Variants in MACROD2 observed in about 807,000 individuals in gnomAD.
MACROD2 encodes ADP-ribose glycohydrolase MACROD2.
Under a neutral mutation model 70.4 loss-of-function variants are expected in MACROD2, and 36 were observed. That is an observed-to-expected ratio of 0.51 (90% confidence interval 0.39 to 0.68). The LOEUF (loss-of-function observed/expected upper bound fraction) is 0.68, where lower values mean the gene tolerates loss of function less well. Among genes scored for constraint, MACROD2 ranks in the 30% least tolerant of loss-of-function variants. The pLI is 0.00. For missense variants in MACROD2, 496 were observed against 538.4 expected (o/e 0.92, Z 0.78); for synonymous variants, 172 against 178.8 (o/e 0.96, Z 0.30).
chr20:14,521,208 C>T (rs1230534378), intron 4 of MACROD2, among the ~76,000 whole-genome samples: 1 of 152,168 alleles, frequency 6.6e-6, no homozygotes, highest in African/African-American at 2.4e-5. Context: ...AGTTGTCACC[C>T]TCAGCTTGCA....
intron 8 of MACROD2, among the ~76,000 whole-genome samples, chr20:15,531,910 A>G (rs1302086485): frequency 6.6e-6 from 1 of 152,186 alleles, no homozygotes; most frequent in Non-Finnish European, 1.5e-5. Flanking sequence ...TGTGTTATAC[A>G]GTTCATGAAT....
At chr20:15,128,849 T>G (rs2076085118) in intron 5 of MACROD2, among the ~76,000 whole-genome samples, 1 of 151,918 alleles carries the variant, frequency 6.6e-6, no homozygotes, top group South Asian at 2.1e-4. Context: ...GTTTTGTTTT[T>G]TTTTTTCATC....
intron 5 of MACROD2, among the ~76,000 whole-genome samples, chr20:15,201,938 C>T (rs1035567979): frequency 1.3e-5 from 2 of 152,060 alleles, no homozygotes; most frequent in African/African-American, 4.8e-5. Context: ...TCCCAGTGAC[C>T]AAAGTAAATT....
intron 8 of MACROD2, among the ~76,000 whole-genome samples, chr20:15,813,379 T>C (rs993574672): frequency 6.6e-5 from 10 of 152,206 alleles, no homozygotes; most frequent in Non-Finnish European, 1.2e-4. Flanking sequence ...GTCAATTGAT[T>C]TCCTATGAGA....
chr20:15,604,595 A>G (rs1278608364), intron 8 of MACROD2, among the ~76,000 whole-genome samples: 1 of 152,224 alleles, frequency 6.6e-6, no homozygotes, highest in Non-Finnish European at 1.5e-5. Flanking sequence ...ATTAAGTGAT[A>G]CCACAGAATT....
At chr20:15,999,278 A>G (rs962234786) in intron 15 of MACROD2, among the ~76,000 whole-genome samples, 1 of 152,028 alleles carries the variant, frequency 6.6e-6, no homozygotes, top group Non-Finnish European at 1.5e-5. Context: ...TAATTTCCAT[A>G]TATTTGTGAA....
chr20:14,426,992 T>C (rs552329202), intron 3 of MACROD2, among the ~76,000 whole-genome samples: 91 of 152,254 alleles, frequency 6.0e-4, no homozygotes, highest in African/African-American at 1.9e-3. Context: ...GTTATTTGGC[T>C]TTATTCCTTC....
chr20:15,082,486 T>G, intron 5 of MACROD2, among the ~76,000 whole-genome samples: 1 of 151,160 alleles, frequency 6.6e-6, no homozygotes, highest in East Asian at 1.9e-4. Flanking sequence ...CTTGAGTCAG[T>G]GAAATGTTCC....
chr20:15,000,336 A>G (rs908384159), intron 5 of MACROD2, among the ~76,000 whole-genome samples: 12 of 149,948 alleles, frequency 8.0e-5, no homozygotes, highest in African/African-American at 3.0e-4. Context: ...ATCAAGAGGT[A>G]GAAACGGCCG....
At chr20:15,084,504 T>G (rs1457453266) in intron 5 of MACROD2, among the ~76,000 whole-genome samples, 2 of 152,140 alleles carry the variant, frequency 1.3e-5, no homozygotes, top group Admixed American at 6.5e-5. Flanking sequence ...CTATTTTTAT[T>G]TTGTAAGCCA....
intron 4 of MACROD2, among the ~76,000 whole-genome samples, chr20:14,528,803 A>G (rs6074750): frequency 0.84 from 128,299 of 152,104 alleles, 54,336 homozygotes; most frequent in East Asian, 1. Flanking sequence ...AGAATAACCA[A>G]CACTTACAGA....
chr20:14,538,223 C>G (rs915371682), intron 4 of MACROD2, among the ~76,000 whole-genome samples: 1 of 152,202 alleles, frequency 6.6e-6, no homozygotes, highest in Non-Finnish European at 1.5e-5. Context: ...AGTAAGCTGT[C>G]TAGAGTCTCT....
intron 6 of MACROD2, among the ~76,000 whole-genome samples, chr20:15,360,846 C>T (rs989960842): frequency 5.3e-5 from 8 of 151,840 alleles, no homozygotes; most frequent in African/African-American, 1.9e-4. Context: ...AATTTACCAT[C>T]CAAATATACT....
rs1414302675 is a variant in MACROD2 at position 15,795,786 on chromosome 20, G to A, written c.646-66959G>A. Among the ~76,000 whole-genome samples, 4 of 152,292 alleles carry A rather than the reference G, an allele frequency of 2.6e-5. No individual in the cohort carries two copies. The East Asian group carries it at 5.8e-4, about 22-fold the overall frequency. On this transcript the variant is annotated intron_variant, in intron 8 of 17. Coordinates refer to ENST00000684519, the MANE Select transcript of MACROD2 (RefSeq NM_001351661.2). Reference sequence around the variant, plus strand: ...AGATAAAAGGCTCACCAATGCCTGGGCCATCTCTGAGTGCCGACTGTGGGA... The same window carrying A: ...AGATAAAAGGCTCACCAATGCCTGGACCATCTCTGAGTGCCGACTGTGGGA...
At chr20:15,188,337 C>G (rs918801741) in intron 5 of MACROD2, among the ~76,000 whole-genome samples, 3 of 152,094 alleles carry the variant, frequency 2.0e-5, no homozygotes, top group Non-Finnish European at 4.4e-5. Flanking sequence ...ACTTTGTGCT[C>G]AAATAACAAT....
chr20:15,291,362 T>C lies in MACROD2; in HGVS notation c.540+61301T>C, dbSNP rs573612706. 5.9e-5 allele frequency among the ~76,000 whole-genome samples: 9 copies of C among 152,302 alleles called. No homozygotes were observed. In the East Asian group the frequency reaches 1.7e-3, roughly 29 times the overall value. ...TGAGACATAAAGATAATATTCCTCATATACCTAAATCATCTAGCAGAAAAC... is the reference window on the plus strand; with the variant it reads ...TGAGACATAAAGATAATATTCCTCACATACCTAAATCATCTAGCAGAAAAC... On this transcript the variant is annotated intron_variant, in intron 6 of 17. Transcript: ENST00000684519.
intron 3 of MACROD2, among the ~76,000 whole-genome samples, chr20:14,157,596 C>G (rs1206786830): frequency 6.6e-6 from 1 of 152,130 alleles, no homozygotes; most frequent in African/African-American, 2.4e-5. Context: ...TCACTTTACT[C>G]TCTACCTTCA....
chr20:14,572,845 TA>T (rs1240930360), intron 4 of MACROD2, among the ~76,000 whole-genome samples: 6 of 151,038 alleles, frequency 4.0e-5, no homozygotes, highest in Non-Finnish European at 8.9e-5. Flanking sequence ...AATACTCCAA[TA>T]AAATATTTAA....
intron 5 of MACROD2, among the ~76,000 whole-genome samples, chr20:14,982,989 G>A (rs930299041): frequency 3.9e-5 from 6 of 152,196 alleles, no homozygotes; most frequent in Admixed American, 1.3e-4. Context: ...GAGGGAGGCT[G>A]TACCCTGCAA....
Sources: gnomAD v4.1 joint callset for allele counts (sites outside exome capture counted in the v4.1 genomes callset) on GRCh38, gnomAD v4.1.1 for gene constraint, MANE v1.5 for transcripts, NCBI Gene and HGNC (gene_info 2026-07-23, HGNC 2026-07-21) for gene names.